Variants in CNNM1 observed in about 807,000 individuals in gnomAD.
The protein encoded by CNNM1 is cyclin and CBS domain divalent metal cation transport mediator 1, also known as metal transporter CNNM1.
CNNM1 carries 44 observed loss-of-function variants against 78.8 expected under a neutral mutation model. The ratio of observed to expected loss-of-function variants is 0.56; its 90% CI spans 0.44 to 0.72. The LOEUF (loss-of-function observed/expected upper bound fraction) is 0.72. Ranked by LOEUF, CNNM1 falls within the 30% of genes least tolerant of loss-of-function variation. The probability of loss-of-function intolerance (pLI) is 0.00; values close to 1 mark genes in which losing one functional copy is unlikely to be tolerated. For synonymous variants in CNNM1, 584 were observed against 581.5 expected (o/e 1.00, Z -0.06); for missense variants, 1,101 against 1,292.2 (o/e 0.85, Z 2.27).
At chr10:99,387,747 A>C in intron 7 of CNNM1, 73 bp from the exon 8 acceptor site, 1 of 1,444,892 alleles carries the variant, frequency 6.9e-7, no homozygotes. Context: ...GCTGCCCCCG[A>C]GCCTGGGAAG....
chr10:99,342,087 C>G (rs573957551), intron 1 of CNNM1, among the ~76,000 whole-genome samples: 1 of 152,354 alleles, frequency 6.6e-6, no homozygotes, highest in East Asian at 1.9e-4. Context: ...CTGTGTATAT[C>G]TCACTTACAG....
chr10:99,344,609 G>A (rs908234716), intron 1 of CNNM1, among the ~76,000 whole-genome samples: 2 of 150,340 alleles, frequency 1.3e-5, no homozygotes, highest in African/African-American at 2.4e-5. Flanking sequence ...TGGACCGTAG[G>A]AGGTTCCTTC....
intron 1 of CNNM1, among the ~76,000 whole-genome samples, chr10:99,349,583 TC>T (rs1433621145): frequency 6.6e-6 from 1 of 152,120 alleles, no homozygotes; most frequent in East Asian, 1.9e-4. Context: ...AATTTCTGCT[TC>T]CCTCACAAGC....
chr10:99,384,002 TTAAC>T (rs1296351428), intron 7 of CNNM1, among the ~76,000 whole-genome samples: 12 of 152,366 alleles, frequency 7.9e-5, no homozygotes, highest in African/African-American at 2.6e-4. Context: ...ACTAATCACT[TTAAC>T]TAATCACATG....
chr10:99,335,546 G>T (rs1193164385), intron 1 of CNNM1, among the ~76,000 whole-genome samples: 5 of 152,128 alleles, frequency 3.3e-5, no homozygotes, highest in African/African-American at 1.2e-4. Flanking sequence ...CCTAAGTACG[G>T]AATAATTAAT....
chr10:99,366,290 G>A (rs535298690), intron 6 of CNNM1, among the ~76,000 whole-genome samples: 1 of 152,182 alleles, frequency 6.6e-6, no homozygotes, highest in African/African-American at 2.4e-5. Context: ...CAGGACTTTG[G>A]CAAACCTTAG....
intron 6 of CNNM1, among the ~76,000 whole-genome samples, chr10:99,373,020 C>T (rs2031853923): frequency 6.6e-6 from 1 of 151,838 alleles, no homozygotes; most frequent in Admixed American, 6.6e-5. Flanking sequence ...TTGTGTTTGA[C>T]ATGTGAGTCC....
intron 6 of CNNM1, among the ~76,000 whole-genome samples, chr10:99,369,244 C>CTAGACAATGATTCAATGACTGAG (rs1453526111): frequency 1.3e-5 from 2 of 152,188 alleles, no homozygotes; most frequent in Non-Finnish European, 2.9e-5. Context: ...CCTCATAGAG[C>CTAGACAATGATTCAATGACTGAG]TAGACAATGA....
intron 6 of CNNM1, among the ~76,000 whole-genome samples, chr10:99,367,398 G>C (rs1159347947): frequency 6.6e-6 from 1 of 151,672 alleles, no homozygotes; most frequent in Non-Finnish European, 1.5e-5. Context: ...TCCTGCATGA[G>C]GTGAAGGGAA....
Position 99,393,577 on chromosome 10 carries a change from A to G in CNNM1, c.*2061A>G, listed in dbSNP as rs186119981. The G allele has an allele frequency of 3.1e-4, 47 of 152,740 alleles. No individual in the cohort carries two copies. The highest frequency in any genetic ancestry group is 1.1e-3 in the African/African-American group (46 of 41,578). The allele number at this position is 152,740 out of a possible 1,614,324, so 9.5% of individuals were successfully genotyped here. ...GAACTTTCAGCCCAGCGTTTCTGCA[A>G]TGCAGAGTGAAGTGGATACTGGGCA... is the stretch of plus-strand genomic sequence containing the variant. On this transcript the variant is annotated 3_prime_UTR_variant, in exon 11 of 11. Coordinates refer to ENST00000356713, the MANE Select transcript of CNNM1 (RefSeq NM_020348.3).
intron 1 of CNNM1, among the ~76,000 whole-genome samples, chr10:99,337,382 A>G (rs1383934499): frequency 6.6e-6 from 1 of 152,134 alleles, no homozygotes; most frequent in Non-Finnish European, 1.5e-5. Context: ...CTCCAGCCTC[A>G]TCGCTCACCA....
chr10:99,343,018 T>G (rs982355444), intron 1 of CNNM1, among the ~76,000 whole-genome samples: 1 of 151,922 alleles, frequency 6.6e-6, no homozygotes, highest in Non-Finnish European at 1.5e-5. Flanking sequence ...CAGGCTGGAG[T>G]GCAGTGGCAC....
At chr10:99,347,949 A>T (rs1296500175) in intron 1 of CNNM1, among the ~76,000 whole-genome samples, 2 of 148,788 alleles carry the variant, frequency 1.3e-5, no homozygotes, top group South Asian at 2.1e-4. Context: ...ACTCCCACAC[A>T]CTCCCTCATC....
intron 7 of CNNM1, among the ~76,000 whole-genome samples, chr10:99,382,443 C>A (rs1685875754): frequency 6.6e-6 from 1 of 152,136 alleles, no homozygotes; most frequent in South Asian, 2.1e-4. Flanking sequence ...GATGAATAAA[C>A]CACTTGAAAG....
chr10:99,370,121 C>A (rs1320471080), intron 6 of CNNM1, among the ~76,000 whole-genome samples: 1 of 152,182 alleles, frequency 6.6e-6, no homozygotes, highest in East Asian at 1.9e-4. Context: ...TCCATGATAA[C>A]CCAATGTCAG....
Position 99,330,221 on chromosome 10 carries a change from G to A in CNNM1, c.834G>A (p.Arg278=), listed in dbSNP as rs776871459. The A allele has an allele frequency of 2.6e-6, 4 of 1,521,064 alleles. No homozygotes were observed. In the African/African-American group the frequency reaches 5.5e-5, roughly 21 times the overall value. The allele number at this position is 1,521,064 out of a possible 1,614,324, so 94.2% of individuals were successfully genotyped here. A position where few individuals can be genotyped will look rare whatever the true frequency, so the allele number is the denominator to read the frequency against. ...GCCGCGTGCAGGCCGTTCGCGGCAGGGGGACCCATCTGCTCTGCACCCTAC... is the reference window on the plus strand; with the variant it reads ...GCCGCGTGCAGGCCGTTCGCGGCAGAGGGACCCATCTGCTCTGCACCCTAC... ...QARRVQAVRG[R]GTHLLCTLLL... Residue 278 remains arginine, a synonymous_variant, in exon 1 of 11, where the codon AGG becomes AGA. Transcript: ENST00000356713.
chr10:99,383,482 C>CAG (rs1050061676), intron 7 of CNNM1, among the ~76,000 whole-genome samples: 30 of 152,148 alleles, frequency 2.0e-4, no homozygotes, highest in African/African-American at 7.0e-4. Flanking sequence ...CCATGTTGGT[C>CAG]AGGCTGATCT....
At chr10:99,385,146 A>G (rs2032271374) in intron 7 of CNNM1, among the ~76,000 whole-genome samples, 1 of 152,180 alleles carries the variant, frequency 6.6e-6, no homozygotes, top group Non-Finnish European at 1.5e-5. Flanking sequence ...TAAATAATAT[A>G]GAGCATTTTG....
Position 99,394,102 on chromosome 10 carries a change from C to T in CNNM1, c.*2586C>T, listed in dbSNP as rs563782173. The T allele has an allele frequency of 2.5e-4, 38 of 152,676 alleles. No individual in the cohort carries two copies. The highest frequency in any genetic ancestry group is 9.1e-4 in the African/African-American group (38 of 41,556). The allele number at this position is 152,676 out of a possible 1,614,324, so 9.5% of individuals were successfully genotyped here. A position where few individuals can be genotyped will look rare whatever the true frequency, so the allele number is the denominator to read the frequency against. ...CCGGGGTGCCTGCCTGGCTGGTCTT[C>T]ATCACCTGAGGCCACCAGGCTCAAG... On this transcript the variant is annotated 3_prime_UTR_variant, in exon 11 of 11. Transcript: ENST00000356713.
Sources: allele counts gnomAD v4.1 joint callset (sites outside exome capture counted in the v4.1 genomes callset), GRCh38; gene constraint gnomAD v4.1.1; transcripts MANE v1.5; gene names NCBI Gene and HGNC (gene_info 2026-07-23, HGNC 2026-07-21).